The following CPPED1 variants were observed in gnomAD, a reference collection of about 807,000 sequenced individuals.
CPPED1 encodes calcineurin like phosphoesterase domain containing 1.
In CPPED1, 28 loss-of-function variants were observed where a neutral mutation model predicts 28.0. The observed-to-expected ratio is 1.00, with a 90% CI of 0.74 to 1.37. CPPED1 has a LOEUF of 1.37. Among genes scored for constraint, CPPED1 ranks in the 40% most tolerant of loss-of-function variants. The pLI, the probability that CPPED1 is intolerant of heterozygous loss-of-function variation, is 0.00. For missense variants in CPPED1, 504 were observed against 416.5 expected (o/e 1.21, Z -1.83); for synonymous variants, 198 against 180.2 (o/e 1.10, Z -0.79).
intron 2 of CPPED1, among the ~76,000 whole-genome samples, chr16:12,716,188 G>T (rs922420950): frequency 2.0e-5 from 3 of 152,204 alleles, no homozygotes; most frequent in African/African-American, 7.2e-5. Context: ...TCTGGTCAAG[G>T]TCTTCCATAA....
At chr16:12,721,981 T>C (rs1174309789) in intron 2 of CPPED1, among the ~76,000 whole-genome samples, 2 of 150,702 alleles carry the variant, frequency 1.3e-5, no homozygotes, top group East Asian at 3.9e-4. Context: ...AGTAAGAATG[T>C]TTTTTTTTCC....
chr16:12,713,526 C>T (rs553793206), intron 2 of CPPED1, among the ~76,000 whole-genome samples: 5 of 152,108 alleles, frequency 3.3e-5, no homozygotes, highest in South Asian at 4.2e-4. Flanking sequence ...CCACAACACC[C>T]AGCCAATTTT....
At position 12,709,835 on chromosome 16, in the gene CPPED1, G is replaced by C. The variant is rs2080070436; in HGVS notation, c.290-4786C>G. Among the ~76,000 whole-genome samples, 2 of 151,482 alleles carry C rather than the reference G, an allele frequency of 1.3e-5. No homozygotes were observed. The highest frequency in any genetic ancestry group is 2.9e-5 in the Non-Finnish European group (2 of 67,954). ...CACACTCTCACTGAACATCATACTA[G>C]AAATCCTAGCCAGTGCAATAGGCAG... On this transcript the variant is annotated intron_variant, in intron 2 of 3. Transcript: ENST00000381774. This position sits in a 1 kb window ranked among gnomAD's most constrained non-coding sequence, Gnocchi z 4.4.
chr16:12,796,055 C>A (rs943648744), intron 1 of CPPED1, among the ~76,000 whole-genome samples: 1 of 151,404 alleles, frequency 6.6e-6, no homozygotes. Context: ...TGCACTCTAG[C>A]CTGGGCGATA....
intron 2 of CPPED1, among the ~76,000 whole-genome samples, chr16:12,713,048 G>C (rs1596456485): frequency 6.6e-6 from 1 of 151,940 alleles, no homozygotes; most frequent in East Asian, 1.9e-4. Flanking sequence ...TTTACTCTCA[G>C]AAAGAGAGAA....
chr16:12,739,875 G>A (rs917958075), intron 2 of CPPED1, among the ~76,000 whole-genome samples: 1 of 152,132 alleles, frequency 6.6e-6, no homozygotes, highest in South Asian at 2.1e-4. Context: ...CTCTTAAACA[G>A]TGAGGTGATG....
chr16:12,721,547 G>A (rs964626419), intron 2 of CPPED1, among the ~76,000 whole-genome samples: 1 of 152,072 alleles, frequency 6.6e-6, no homozygotes, highest in African/African-American at 2.4e-5. Flanking sequence ...GAGGTCAGGA[G>A]TTCCAGACCA....
intron 3 of CPPED1, among the ~76,000 whole-genome samples, chr16:12,694,737 G>C (rs996419401): frequency 1.5e-5 from 2 of 130,830 alleles, no homozygotes; most frequent in Admixed American, 1.6e-4. Context: ...AAGGTGGGGG[G>C]GGGGGCGGGG....
At chr16:12,685,052 G>C (rs574545277) in intron 3 of CPPED1, among the ~76,000 whole-genome samples, 1 of 152,354 alleles carries the variant, frequency 6.6e-6, no homozygotes, top group East Asian at 1.9e-4. Context: ...ACTGGAGACA[G>C]TGGAACGAGC....
chr16:12,734,686 C>T (rs1017376749), intron 2 of CPPED1, among the ~76,000 whole-genome samples: 3 of 152,104 alleles, frequency 2.0e-5, no homozygotes, highest in African/African-American at 7.2e-5. Flanking sequence ...TTCCTCTTCC[C>T]CAAAGGTATT....
At chr16:12,673,760 G>T (rs1364261539) in intron 3 of CPPED1, among the ~76,000 whole-genome samples, 1 of 152,188 alleles carries the variant, frequency 6.6e-6, no homozygotes, top group Non-Finnish European at 1.5e-5. Context: ...TAGCAATAAA[G>T]ATGAGGCCGG....
rs976804657 is a variant in CPPED1 at position 12,682,871 on chromosome 16, A to G, written c.716-17756T>C. On this transcript the variant is annotated intron_variant, in intron 3 of 3. Coordinates refer to ENST00000381774, the MANE Select transcript of CPPED1 (RefSeq NM_018340.3). This position sits in a 1 kb window ranked among gnomAD's most constrained non-coding sequence, Gnocchi z 6.1. ...GAAATGGAGCGTGGGGCCCACATTAAGGTTTCAATCCAGAATGGACAATTT... is the reference window on the plus strand; with the variant it reads ...GAAATGGAGCGTGGGGCCCACATTAGGGTTTCAATCCAGAATGGACAATTT... Among the ~76,000 whole-genome samples, 2 of 152,260 alleles carry G rather than the reference A, an allele frequency of 1.3e-5. No individual in the cohort carries two copies. Among genetic ancestry groups the G allele is most frequent in the Non-Finnish European group, 2.9e-5 (2 of 68,050 alleles).
intron 1 of CPPED1, among the ~76,000 whole-genome samples, chr16:12,781,753 T>G (rs911714897): frequency 6.6e-6 from 1 of 152,122 alleles, no homozygotes; most frequent in African/African-American, 2.4e-5. Context: ...TAAATTAGAA[T>G]AAAACTCCCC....
intron 2 of CPPED1, among the ~76,000 whole-genome samples, chr16:12,742,989 T>C (rs998247931): frequency 6.6e-6 from 1 of 152,186 alleles, no homozygotes; most frequent in Admixed American, 6.6e-5. Flanking sequence ...GTGTGGCATT[T>C]TGTCTATGGG....
At chr16:12,734,565 G>A (rs925351387) in intron 2 of CPPED1, among the ~76,000 whole-genome samples, 4 of 152,118 alleles carry the variant, frequency 2.6e-5, no homozygotes, top group African/African-American at 9.7e-5. Flanking sequence ...ATTTTTAGTA[G>A]AGACGGGGTT....
chr16:12,764,306 C>T (rs994560898), intron 2 of CPPED1, among the ~76,000 whole-genome samples: 9 of 151,920 alleles, frequency 5.9e-5, no homozygotes, highest in Admixed American at 1.3e-4. Context: ...CAAGTTCAAG[C>T]GATTCTCGTG....
chr16:12,763,233 GAA>G (rs749737070), intron 2 of CPPED1, among the ~76,000 whole-genome samples: 3 of 128,484 alleles, frequency 2.3e-5, no homozygotes. Flanking sequence ...ACTCCACCTT[GAA>G]AAAAAAAAAA....
At chr16:12,803,095 T>G (rs1272868133) in intron 1 of CPPED1, among the ~76,000 whole-genome samples, 1 of 152,228 alleles carries the variant, frequency 6.6e-6, no homozygotes, top group Non-Finnish European at 1.5e-5. Flanking sequence ...AACAACCCTA[T>G]GAGGCAGGTA....
chr16:12,679,735 T>C (rs145565127), intron 3 of CPPED1, among the ~76,000 whole-genome samples: 92 of 152,256 alleles, frequency 6.0e-4, no homozygotes, highest in African/African-American at 2.1e-3. Flanking sequence ...TCAGAAATGG[T>C]ACCCCAAAAC....
Sources: gnomAD v4.1 joint callset for allele counts (sites outside exome capture counted in the v4.1 genomes callset) on GRCh38, gnomAD v4.1.1 for gene constraint, Gnocchi (gnomAD v3.1) non-coding constraint, MANE v1.5 for transcripts, NCBI Gene and HGNC (gene_info 2026-07-23, HGNC 2026-07-21) for gene names.